Variants in CTTNBP2 observed in about 807,000 individuals in gnomAD.
The protein encoded by CTTNBP2 is cortactin-binding protein 2.
A neutral mutation model predicts 156.9 loss-of-function variants in CTTNBP2; 108 were observed. The ratio of observed to expected loss-of-function variants is 0.69; its 90% CI spans 0.59 to 0.81. The LOEUF (loss-of-function observed/expected upper bound fraction) is 0.81. Among genes scored for constraint, CTTNBP2 ranks in the 30% least tolerant of loss-of-function variants. The pLI is 0.00. For missense variants in CTTNBP2, 1,924 were observed against 2,035.4 expected (o/e 0.95, Z 1.05); for synonymous variants, 767 against 751.8 (o/e 1.02, Z -0.33).
chr7:117,754,555 A>ACAGG (rs1364025007), intron 12 of CTTNBP2, among the ~76,000 whole-genome samples: 1 of 152,240 alleles, frequency 6.6e-6, no homozygotes, highest in Non-Finnish European at 1.5e-5. Context: ...AATACATAAC[A>ACAGG]CAGGGCCTAT....
intron 14 of CTTNBP2, among the ~76,000 whole-genome samples, chr7:117,737,771 G>A (rs1345235160): frequency 6.6e-6 from 1 of 151,982 alleles, no homozygotes; most frequent in Non-Finnish European, 1.5e-5. Context: ...AATAGAGATG[G>A]GAGTAACCAT....
chr7:117,787,113 TGGGA>T (rs1798743184), intron 4 of CTTNBP2, among the ~76,000 whole-genome samples: 1 of 152,194 alleles, frequency 6.6e-6, no homozygotes, highest in Admixed American at 6.5e-5. Context: ...TGCCTAAATA[TGGGA>T]AAAATAGGAC....
At chr7:117,753,898 C>T (rs1024813417) in intron 12 of CTTNBP2, among the ~76,000 whole-genome samples, 3 of 152,136 alleles carry the variant, frequency 2.0e-5, no homozygotes, top group African/African-American at 7.2e-5. Context: ...CACATGTACC[C>T]CAGAACGTAA....
intron 1 of CTTNBP2, among the ~76,000 whole-genome samples, chr7:117,870,017 TCC>T (rs1185852324): frequency 6.6e-6 from 1 of 152,200 alleles, no homozygotes; most frequent in Non-Finnish European, 1.5e-5. Context: ...GTCCAAATCC[TCC>T]TTCAGTCTCA....
Position 117,760,652 on chromosome 7 carries a change from A to G in CTTNBP2, c.2955T>C (p.Gly985=), listed in dbSNP as rs1797159025. The change falls in exon 10 of 23, where the codon GGT becomes GGC. Residue 985 remains glycine (G), a synonymous_variant. Transcript: ENST00000160373. ...SVGEIEPSNY[G]SDDLECENTI... is the part of the protein sequence containing the mutation. ...TGTTTTCACATTCCAAGTCATCAGA[A>G]CCATAGTTGCTTGGTTCAATCTCAC... The G allele has an allele frequency of 6.2e-7, 1 of 1,613,594 alleles. No homozygotes were observed. Among genetic ancestry groups the G allele is most frequent in the African/African-American group, 1.3e-5 (1 of 74,912 alleles).
intron 19 of CTTNBP2, among the ~76,000 whole-genome samples, chr7:117,721,769 T>C (rs1449110528): frequency 6.6e-6 from 1 of 152,238 alleles, no homozygotes; most frequent in African/African-American, 2.4e-5. Flanking sequence ...GCTGGAGGTA[T>C]ACTGATGCAT....
chr7:117,842,417 G>A (rs140363199), intron 2 of CTTNBP2, among the ~76,000 whole-genome samples: 4,726 of 151,994 alleles, frequency 0.031, 258 homozygotes, highest in African/African-American at 0.11. Context: ...TGGCCAGGCC[G>A]GTCTTGAACT....
chr7:117,864,931 TATTC>T (rs1183822860), intron 1 of CTTNBP2, among the ~76,000 whole-genome samples: 3 of 145,726 alleles, frequency 2.1e-5, no homozygotes, highest in South Asian at 2.1e-4. Flanking sequence ...TATTCATATA[TATTC>T]ATTCAATATA....
Position 117,735,041 on chromosome 7 carries a change from C to T in CTTNBP2, c.3748G>A (p.Ala1250Thr), listed in dbSNP as rs772211877. 7.1e-5 allele frequency: 114 copies of T among 1,614,044 alleles called. 1 individual carries two copies. Among genetic ancestry groups the T allele is most frequent in the Non-Finnish European group, 8.6e-5 (102 of 1,180,004 alleles). The change falls in exon 16 of 23, where the codon GCC becomes ACC. Residue 1250 changes from alanine (A) to threonine (T), a missense_variant. Ala to Thr is a moderately conservative substitution (Grantham distance 58, BLOSUM62 0). Coordinates refer to ENST00000160373, the MANE Select transcript of CTTNBP2 (RefSeq NM_033427.3). ...HENCFLMGTIAKACLQGSDLL... is the reference protein window; with the variant it reads ...HENCFLMGTITKACLQGSDLL... ...TCGGAGCCCTGGAGACAGGCCTTGG[C>T]GATGGTTCCCATCAGAAAGCAGTTC...
At chr7:117,730,694 A>G (rs1795352199) in intron 16 of CTTNBP2, among the ~76,000 whole-genome samples, 1 of 152,182 alleles carries the variant, frequency 6.6e-6, no homozygotes, top group Non-Finnish European at 1.5e-5. Context: ...GTTATTGAGG[A>G]AAGCCTAAGG....
At chr7:117,784,971 T>A (rs879678551) in intron 4 of CTTNBP2, among the ~76,000 whole-genome samples, 10 of 152,196 alleles carry the variant, frequency 6.6e-5, no homozygotes, top group Non-Finnish European at 1.0e-4. Context: ...ACCATTAAGA[T>A]GGACCAAAGA....
chr7:117,764,546 G>A (rs1185355782), intron 9 of CTTNBP2, among the ~76,000 whole-genome samples: 2 of 152,108 alleles, frequency 1.3e-5, no homozygotes, highest in East Asian at 1.9e-4. Flanking sequence ...ACAAATATAG[G>A]CTTGGAGTTG....
At chr7:117,798,655 T>C (rs1563018987) in intron 3 of CTTNBP2, among the ~76,000 whole-genome samples, 2 of 151,984 alleles carry the variant, frequency 1.3e-5, no homozygotes, top group Non-Finnish European at 2.9e-5. Flanking sequence ...AAATCAATCA[T>C]CCTAGTTTCA....
chr7:117,786,304 T>C (rs1233401999), intron 4 of CTTNBP2: 1 of 317,712 alleles, frequency 3.1e-6, no homozygotes, highest in African/African-American at 2.2e-5. Context: ...TAAAATTCAA[T>C]ATTTATCTAA....
chr7:117,846,129 G>C (rs1342216141), intron 2 of CTTNBP2, among the ~76,000 whole-genome samples: 1 of 152,076 alleles, frequency 6.6e-6, no homozygotes, highest in Non-Finnish European at 1.5e-5. Context: ...GAGATTACAG[G>C]CGTGAGCCAC....
Position 117,844,772 on chromosome 7 carries a change from G to A in CTTNBP2, c.189+16437C>T, listed in dbSNP as rs573663440. 5.3e-5 allele frequency among the ~76,000 whole-genome samples: 8 copies of A among 152,252 alleles called. No individual in the cohort carries two copies. In the East Asian group the frequency reaches 1.4e-3, roughly 26 times the overall value. Reference sequence around the variant, plus strand: ...TCAGAGATGGACGGTTTGCCAGAGCGAGGGGAGGAAAAGTGAGCACATGGG... The same window carrying A: ...TCAGAGATGGACGGTTTGCCAGAGCAAGGGGAGGAAAAGTGAGCACATGGG... On this transcript the variant is annotated intron_variant, in intron 2 of 22. Coordinates refer to ENST00000160373, the MANE Select transcript of CTTNBP2 (RefSeq NM_033427.3).
chr7:117,716,877 T>A (rs747976224), intron 22 of CTTNBP2, among the ~76,000 whole-genome samples: 1 of 152,182 alleles, frequency 6.6e-6, no homozygotes, highest in Non-Finnish European at 1.5e-5. Flanking sequence ...TGGGGCCCAG[T>A]GCCGCTAGGT....
At chr7:117,715,513 A>G (rs1252834809) in intron 22 of CTTNBP2, among the ~76,000 whole-genome samples, 1 of 148,136 alleles carries the variant, frequency 6.8e-6, no homozygotes, top group Admixed American at 6.7e-5. Context: ...AGTGGATTTC[A>G]TCATGCAACC....
chr7:117,769,358 G>C (rs1797687368), intron 8 of CTTNBP2, among the ~76,000 whole-genome samples: 1 of 152,194 alleles, frequency 6.6e-6, no homozygotes, highest in Non-Finnish European at 1.5e-5. Flanking sequence ...TTCTTGGATG[G>C]TGGAAGGATA....
Sources: allele counts gnomAD v4.1 joint callset (sites outside exome capture counted in the v4.1 genomes callset), GRCh38; gene constraint gnomAD v4.1.1; transcripts MANE v1.5; gene names NCBI Gene and HGNC (gene_info 2026-07-23, HGNC 2026-07-21).